SH3GLB1: variants seen among roughly 807,000 people sequenced by gnomAD.
SH3GLB1 encodes endophilin-B1.
In SH3GLB1, 17 loss-of-function variants were observed where a neutral mutation model predicts 42.0. The observed-to-expected ratio is 0.40, with a 90% CI of 0.28 to 0.61. The LOEUF is 0.61. SH3GLB1 is among the 20% of genes least tolerant of loss of function. SH3GLB1 has a pLI of 0.36. For synonymous variants in SH3GLB1, 132 were observed against 146.6 expected, an observed-to-expected ratio of 0.90 and a Z score of 0.72; for missense variants, 355 against 426.3, an observed-to-expected ratio of 0.83 and a Z score of 1.47.
At chr1:86,730,130 A>G (rs779795860) in intron 5 of SH3GLB1, 4 of 1,588,000 alleles carry the variant, frequency 2.5e-6, no homozygotes, top group Non-Finnish European at 3.4e-6. Context: ...ATTATTAAAT[A>G]CAGAACTATG....
chr1:86,732,560 A>G (rs1003509867), intron 5 of SH3GLB1, among the ~76,000 whole-genome samples: 11 of 152,168 alleles, frequency 7.2e-5, no homozygotes, highest in African/African-American at 2.7e-4. Flanking sequence ...CCCAATATGC[A>G]CTAAAACTTG....
intron 4 of SH3GLB1, among the ~76,000 whole-genome samples, chr1:86,723,890 C>T (rs931482854): frequency 2.0e-5 from 3 of 152,138 alleles, no homozygotes; most frequent in Middle Eastern, 3.2e-3. Context: ...ACGTTTTGGG[C>T]TGCACAATTC....
At chr1:86,725,748 G>A (rs1340261814) in intron 5 of SH3GLB1, among the ~76,000 whole-genome samples, 1 of 152,140 alleles carries the variant, frequency 6.6e-6, no homozygotes, top group African/African-American at 2.4e-5. Context: ...ATTTAAAACT[G>A]ATTAACTTGG....
chr1:86,732,901 A>T (rs1655587039), intron 5 of SH3GLB1, among the ~76,000 whole-genome samples: 3 of 152,096 alleles, frequency 2.0e-5, no homozygotes, highest in African/African-American at 7.2e-5. Context: ...ATTAAACCGT[A>T]CTTTGACAAT....
chr1:86,748,146 AG>A lies in SH3GLB1; in HGVS notation c.*4913del, dbSNP rs1422870704. Reference sequence around the variant, plus strand: ...TTTATTAAACTACTGTTCAATTTTTAGGTTTCCAACTTTCATTAATAAAGTG... The same window carrying A: ...TTTATTAAACTACTGTTCAATTTTTAGTTTCCAACTTTCATTAATAAAGTG... On this transcript the variant is annotated 3_prime_UTR_variant, in exon 9 of 9. Transcript: ENST00000370558. The A allele has an allele frequency of 1.3e-5, 2 of 151,566 alleles. No individual in the cohort carries two copies. The highest frequency in any genetic ancestry group is 2.9e-5 in the Non-Finnish European group (2 of 67,934). 9.4% of individuals were successfully genotyped at this position (151,566 alleles called of 1,614,324 possible).
intron 5 of SH3GLB1, chr1:86,730,494 G>T (rs191817683): frequency 3.1e-6 from 2 of 636,704 alleles, no homozygotes; most frequent in African/African-American, 4.0e-5. Flanking sequence ...ATAATATTTC[G>T]CACAAATGAA....
chr1:86,724,892 A>AAAAAAATATATATATATATATATAT (rs1291454820), intron 5 of SH3GLB1, among the ~76,000 whole-genome samples: 17 of 99,666 alleles, frequency 1.7e-4, no homozygotes, highest in African/African-American at 6.5e-4. Flanking sequence ...AAAAAAAAAA[A>AAAAAAATATATATATATATATATAT]ATATATATAT....
intron 7 of SH3GLB1, among the ~76,000 whole-genome samples, chr1:86,736,623 T>C (rs1655794925): frequency 1.3e-5 from 2 of 152,214 alleles, no homozygotes; most frequent in South Asian, 4.1e-4. Flanking sequence ...TTGCTTATAC[T>C]CGCATTCTAC....
Position 86,722,642 on chromosome 1 carries a change from A to C in SH3GLB1, c.446A>C (p.Asn149Thr). ...TTAAATTTTCTTACTCCTTTAAGAAACTTTATAGAAGGAGATTACAAAACA... is the reference window on the plus strand; with the variant it reads ...TTAAATTTTCTTACTCCTTTAAGAACCTTTATAGAAGGAGATTACAAAACA... ...SALNFLTPLRNFIEGDYKTIA... is the reference protein window; with the variant it reads ...SALNFLTPLRTFIEGDYKTIA... Residue 149 changes from asparagine to threonine, a missense_variant, in exon 4 of 9, where the codon AAC becomes ACC. Asn to Thr is a moderately conservative substitution (Grantham distance 65, BLOSUM62 0). Transcript: ENST00000370558. 2 of 1,607,444 alleles carry C rather than the reference A, an allele frequency of 1.2e-6. No individual in the cohort carries two copies. The highest frequency in any genetic ancestry group is 1.7e-4 in the Middle Eastern group (1 of 6,032).
In SH3GLB1 at chr1:86,735,131, A is replaced by C. The variant is rs755193646; in HGVS notation, c.713A>C (p.Tyr238Ser). The change falls in exon 7 of 9, where the codon TAT (tyrosine) becomes TCT (serine). Residue 238 changes from tyrosine to serine, a missense_variant. By Grantham distance (144) the Tyr-to-Ser change is moderately radical. Coordinates refer to ENST00000370558, the MANE Select transcript of SH3GLB1 (RefSeq NM_016009.5). ...NDFVEAQMTY[Y>S]AQCYQYMLDL... ...TTTGTAGAAGCCCAGATGACTTACT[A>C]TGCACAGTGTTACCAGTATATGTTG... 6.2e-7 allele frequency: 1 copy of C among 1,613,022 alleles called. No homozygotes were observed. The highest frequency in any genetic ancestry group is 2.2e-5 in the East Asian group (1 of 44,830).
At chr1:86,739,092 G>T (rs746587050) in intron 7 of SH3GLB1, among the ~76,000 whole-genome samples, 1 of 152,206 alleles carries the variant, frequency 6.6e-6, no homozygotes, top group Non-Finnish European at 1.5e-5. Context: ...TTAAGTTTGA[G>T]ATGTCTCTTA....
chr1:86,708,929 T>C (rs1245957587), intron 1 of SH3GLB1, among the ~76,000 whole-genome samples: 2 of 152,230 alleles, frequency 1.3e-5, no homozygotes, highest in African/African-American at 4.8e-5. Flanking sequence ...AAGTGTCCTG[T>C]CTGCCTATTC....
At chr1:86,735,018 C>G (rs902786409) in intron 6 of SH3GLB1, 61 bp from the exon 7 acceptor site, 2 of 1,248,480 alleles carry the variant, frequency 1.6e-6, no homozygotes, top group Non-Finnish European at 2.4e-6. Context: ...CTGTCTCCCC[C>G]TTGCATTTGC....
At position 86,704,887 on chromosome 1, in the gene SH3GLB1, G is replaced by T; in HGVS notation, c.-13G>T. On this transcript the variant is annotated 5_prime_UTR_variant, in exon 1 of 9. Transcript: ENST00000370558. Reference sequence around the variant, plus strand: ...CCGCTAGGTCGGCCGGCTCCGCCCGGCTGCCGCCTAGGATGAATATCATGG... The same window carrying T: ...CCGCTAGGTCGGCCGGCTCCGCCCGTCTGCCGCCTAGGATGAATATCATGG... The T allele has an allele frequency of 2.6e-6, 4 of 1,560,894 alleles. No homozygotes were observed. Among genetic ancestry groups the T allele is most frequent in the Non-Finnish European group, 3.5e-6 (4 of 1,156,010 alleles).
intron 1 of SH3GLB1, among the ~76,000 whole-genome samples, chr1:86,708,049 T>G (rs1653975287): frequency 6.6e-6 from 1 of 152,232 alleles, no homozygotes; most frequent in Admixed American, 6.5e-5. Context: ...TCATGAGGTT[T>G]CATTATACTG....
intron 5 of SH3GLB1, among the ~76,000 whole-genome samples, chr1:86,731,861 C>A (rs181345218): frequency 6.6e-6 from 1 of 152,166 alleles, no homozygotes; most frequent in Non-Finnish European, 1.5e-5. Context: ...GGGCAGATCA[C>A]CTGAGGTCAG....
In SH3GLB1 at chr1:86,704,886, G is replaced by A. The variant is rs766933985; in HGVS notation, c.-14G>A. 6 of 1,559,574 alleles carry A rather than the reference G, an allele frequency of 3.8e-6. No homozygotes were observed. Among genetic ancestry groups the A allele is most frequent in the South Asian group, 3.5e-5 (3 of 85,396 alleles). ...GCCGCTAGGTCGGCCGGCTCCGCCCGGCTGCCGCCTAGGATGAATATCATG... is the reference window on the plus strand; with the variant it reads ...GCCGCTAGGTCGGCCGGCTCCGCCCAGCTGCCGCCTAGGATGAATATCATG... On this transcript the variant is annotated 5_prime_UTR_variant, in exon 1 of 9. Transcript: ENST00000370558.
intron 1 of SH3GLB1, among the ~76,000 whole-genome samples, chr1:86,706,761 C>T (rs549379825): frequency 4.6e-5 from 7 of 152,204 alleles, no homozygotes; most frequent in African/African-American, 1.7e-4. Context: ...ATGTTTCAGA[C>T]GTATAACTCA....
At chr1:86,717,376 T>C (rs1362287992) in intron 2 of SH3GLB1, among the ~76,000 whole-genome samples, 1 of 152,102 alleles carries the variant, frequency 6.6e-6, no homozygotes, top group South Asian at 2.1e-4. Flanking sequence ...GAAGTCGTAA[T>C]AATTGTTTTT....
Sources: gnomAD v4.1 joint callset for allele counts (sites outside exome capture counted in the v4.1 genomes callset) on GRCh38, gnomAD v4.1.1 for gene constraint, MANE v1.5 for transcripts, NCBI Gene and HGNC (gene_info 2026-07-23, HGNC 2026-07-21) for gene names.